The following SH3BGRL2 variants were observed in gnomAD, a reference collection of about 807,000 sequenced individuals.
SH3BGRL2 encodes SH3 domain-binding glutamic acid-rich-like protein 2.
In SH3BGRL2, 21 loss-of-function variants were observed where a neutral mutation model predicts 14.8. That is an observed-to-expected ratio of 1.42 (90% CI 1.01 to 2.05). The LOEUF (loss-of-function observed/expected upper bound fraction) is 2.05. SH3BGRL2 is among the 30% of genes most tolerant of loss of function. The pLI is 0.00. For missense variants in SH3BGRL2, 147 were observed against 130.8 expected (o/e 1.12, Z -0.61); for synonymous variants, 50 against 47.8 (o/e 1.05, Z -0.19).
At chr6:79,628,486 G>A (rs186294187), upstream of SH3BGRL2, among the ~76,000 whole-genome samples, 346 of 152,104 alleles carry the variant, frequency 2.3e-3, 2 homozygotes, top group African/African-American at 8.0e-3. Flanking sequence ...AATTTTCTTA[G>A]TCTCATCTTT....
chr6:79,611,051 C>G, the SH3BGRL2 span, among the ~76,000 whole-genome samples: 4 of 152,144 alleles, frequency 2.6e-5, no homozygotes, highest in African/African-American at 9.7e-5. Flanking sequence ...TTGACTATCC[C>G]TTTTGGCTCT....
At chr6:79,648,501 T>C (rs1456623240) in intron 1 of SH3BGRL2, among the ~76,000 whole-genome samples, 2 of 151,506 alleles carry the variant, frequency 1.3e-5, no homozygotes, top group Non-Finnish European at 2.9e-5. Flanking sequence ...TGAAGGTTAT[T>C]CTTTCCCCTC....
chr6:79,699,566 C>G lies in SH3BGRL2; in HGVS notation c.*57C>G. 1 of 1,441,912 alleles carries G rather than the reference C, an allele frequency of 6.9e-7. No individual in the cohort carries two copies. The highest frequency in any genetic ancestry group is 9.2e-7 in the Non-Finnish European group (1 of 1,090,898). The allele number at this position is 1,441,912 out of a possible 1,614,324, so 89.3% of individuals were successfully genotyped here. The stretch of plus-strand genomic sequence containing the variant: ...TTTGAAGCACCCCTGGTACTCAGCA[C>G]ACACATGCTTACCTAATGCATCACT... On this transcript the variant is annotated 3_prime_UTR_variant, in exon 4 of 4. Transcript: ENST00000369838.
chr6:79,670,772 G>C (rs1043244670), intron 1 of SH3BGRL2, among the ~76,000 whole-genome samples: 2 of 152,106 alleles, frequency 1.3e-5, no homozygotes, highest in African/African-American at 4.8e-5. Flanking sequence ...CTTTCTGCTT[G>C]AGCATATATT....
intron 1 of SH3BGRL2, among the ~76,000 whole-genome samples, chr6:79,661,339 C>T (rs1203770312): frequency 3.3e-5 from 5 of 152,122 alleles, no homozygotes; most frequent in African/African-American, 1.2e-4. Context: ...TGCCTTTGTT[C>T]TCATTGGTTT....
chr6:79,642,171 A>G (rs1769046140), intron 1 of SH3BGRL2, among the ~76,000 whole-genome samples: 1 of 152,198 alleles, frequency 6.6e-6, no homozygotes, highest in South Asian at 2.1e-4. Context: ...ATCAGAAAAA[A>G]AGTGGACAGT....
At chr6:79,694,551 A>G (rs1023865375) in intron 2 of SH3BGRL2, among the ~76,000 whole-genome samples, 6 of 152,206 alleles carry the variant, frequency 3.9e-5, no homozygotes, top group Admixed American at 1.3e-4. Context: ...TACAAATTCC[A>G]TGAAATCTCT....
chr6:79,696,812 C>T (rs1770341687), intron 3 of SH3BGRL2, among the ~76,000 whole-genome samples: 1 of 151,606 alleles, frequency 6.6e-6, no homozygotes, highest in South Asian at 2.1e-4. Flanking sequence ...TAATTTATAC[C>T]CCATTCCTCC....
chr6:79,594,025 C>CAAAAAAAAAAAAA, the SH3BGRL2 span, among the ~76,000 whole-genome samples: 1 of 134,676 alleles, frequency 7.4e-6, no homozygotes, highest in Non-Finnish European at 1.6e-5. Flanking sequence ...GACTCTGTCT[C>CAAAAAAAAAAAAA]AAAAAAAAAA....
the SH3BGRL2 span, among the ~76,000 whole-genome samples, chr6:79,583,085 C>T: frequency 6.6e-6 from 1 of 152,128 alleles, no homozygotes; most frequent in Admixed American, 6.5e-5. Flanking sequence ...CAATGAGATA[C>T]CATCTCACAC....
chr6:79,660,216 C>T (rs1456311307), intron 1 of SH3BGRL2, among the ~76,000 whole-genome samples: 1 of 152,140 alleles, frequency 6.6e-6, no homozygotes, highest in Non-Finnish European at 1.5e-5. Flanking sequence ...TTGTTTTGTG[C>T]CAGTTTTCAA....
chr6:79,686,043 A>T (rs894621357), intron 2 of SH3BGRL2, among the ~76,000 whole-genome samples: 3 of 152,200 alleles, frequency 2.0e-5, no homozygotes, highest in Non-Finnish European at 2.9e-5. Flanking sequence ...AATATAAAAG[A>T]CTAGATTTAA....
the SH3BGRL2 span, among the ~76,000 whole-genome samples, chr6:79,570,435 C>T: frequency 1.3e-5 from 2 of 152,098 alleles, no homozygotes; most frequent in East Asian, 3.8e-4. Context: ...GCACATTGGA[C>T]TAGGAGTAAA....
chr6:79,551,061 G>C, the SH3BGRL2 span, among the ~76,000 whole-genome samples: 2 of 152,228 alleles, frequency 1.3e-5, no homozygotes, highest in Admixed American at 1.3e-4. Context: ...TAAAAGAAAA[G>C]AAAAGAAAGA....
chr6:79,698,996 G>A (rs1443317590), intron 3 of SH3BGRL2, among the ~76,000 whole-genome samples: 1 of 151,954 alleles, frequency 6.6e-6, no homozygotes, highest in African/African-American at 2.4e-5. Flanking sequence ...GTGCTGACTG[G>A]CCAGAGCTTG....
At chr6:79,588,175 C>A in the SH3BGRL2 span, among the ~76,000 whole-genome samples, 7 of 152,032 alleles carry the variant, frequency 4.6e-5, no homozygotes, top group Non-Finnish European at 8.8e-5. Flanking sequence ...TGTCTGTAGT[C>A]CCAGCTACTC....
At position 79,665,381 on chromosome 6, in the gene SH3BGRL2, ATCCT is replaced by A. The variant is rs1302460635; in HGVS notation, c.46-8229_46-8226del. Among the ~76,000 whole-genome samples the A allele has an allele frequency of 4.6e-5, 7 of 152,190 alleles. No homozygotes were observed. In the East Asian group the frequency reaches 1.3e-3, roughly 29 times the overall value. On this transcript the variant is annotated intron_variant, in intron 1 of 3. Coordinates refer to ENST00000369838, the MANE Select transcript of SH3BGRL2 (RefSeq NM_031469.4). ...AAAATATTCGTAATACAACAGAAAC[ATCCT>A]TCCCCAAAACATTTGTTATTATGGC...
chr6:79,555,613 C>T, the SH3BGRL2 span, among the ~76,000 whole-genome samples: 1 of 152,080 alleles, frequency 6.6e-6, no homozygotes, highest in African/African-American at 2.4e-5. Flanking sequence ...CGGGTTCAAG[C>T]GATTATCCTG....
chr6:79,578,509 A>G, the SH3BGRL2 span, among the ~76,000 whole-genome samples: 2 of 152,212 alleles, frequency 1.3e-5, no homozygotes, highest in Non-Finnish European at 2.9e-5. Context: ...GGAAAACAGC[A>G]TCCAGAGTGG....
Sources: allele counts gnomAD v4.1 joint callset (sites outside exome capture counted in the v4.1 genomes callset), GRCh38; gene constraint gnomAD v4.1.1; transcripts MANE v1.5; gene names NCBI Gene and HGNC (gene_info 2026-07-23, HGNC 2026-07-21).